GPC5: variants seen among roughly 807,000 people sequenced by gnomAD.
GPC5 encodes glypican 5.
GPC5 carries 47 observed loss-of-function variants against 53.9 expected under a neutral mutation model. The ratio of observed to expected loss-of-function variants is 0.87; its 90% confidence interval spans 0.69 to 1.11. The LOEUF is 1.11. Ranked by LOEUF, GPC5 falls within the 50% of genes most tolerant of loss-of-function variation. The probability of loss-of-function intolerance (pLI) is 0.00; values close to 1 mark genes in which losing one functional copy is unlikely to be tolerated. For synonymous variants in GPC5, 286 were observed against 263.3 expected, an observed-to-expected ratio of 1.09 and a Z score of -0.84; for missense variants, 748 against 713.1, an observed-to-expected ratio of 1.05 and a Z score of -0.56.
At chr13:92,438,161 A>T (rs1048265553) in intron 7 of GPC5, among the ~76,000 whole-genome samples, 3 of 151,924 alleles carry the variant, frequency 2.0e-5, no homozygotes, top group African/African-American at 7.2e-5. Context: ...AATTATGAGC[A>T]AAGTAGACTC....
intron 7 of GPC5, among the ~76,000 whole-genome samples, chr13:92,652,246 C>A (rs1252768954): frequency 1.3e-5 from 2 of 152,142 alleles, no homozygotes; most frequent in African/African-American, 4.8e-5. Flanking sequence ...TGCTACCAAG[C>A]TTTCCTTAAT....
intron 7 of GPC5, among the ~76,000 whole-genome samples, chr13:92,567,553 G>T (rs1882898574): frequency 6.6e-6 from 1 of 152,082 alleles, no homozygotes; most frequent in African/African-American, 2.4e-5. Flanking sequence ...TAATCGAATG[G>T]GCTTAATGTA....
At chr13:92,611,622 C>T (rs1354092319) in intron 7 of GPC5, among the ~76,000 whole-genome samples, 1 of 152,100 alleles carries the variant, frequency 6.6e-6, no homozygotes, top group East Asian at 1.9e-4. Context: ...CTTGCCTTTC[C>T]CTTTGCAAAT....
At chr13:91,967,995 A>G (rs2040196814) in intron 6 of GPC5, among the ~76,000 whole-genome samples, 1 of 152,046 alleles carries the variant, frequency 6.6e-6, no homozygotes, top group African/African-American at 2.4e-5. Flanking sequence ...GTAACTATGT[A>G]TTCTTTGGGA....
At chr13:92,296,649 G>T (rs1462424398) in intron 7 of GPC5, among the ~76,000 whole-genome samples, 1 of 152,160 alleles carries the variant, frequency 6.6e-6, no homozygotes, top group Non-Finnish European at 1.5e-5. Context: ...CCCTCAGCTT[G>T]CAGGGAGGTA....
chr13:92,770,365 T>C (rs1201149462), intron 7 of GPC5, among the ~76,000 whole-genome samples: 1 of 143,262 alleles, frequency 7.0e-6, no homozygotes, highest in Non-Finnish European at 1.5e-5. Context: ...CAGTGAGCCA[T>C]GATGGCACCA....
chr13:92,077,090 C>T (rs1853996), intron 6 of GPC5, among the ~76,000 whole-genome samples: 1 of 151,822 alleles, frequency 6.6e-6, no homozygotes, highest in Non-Finnish European at 1.5e-5. Flanking sequence ...AGCCCCACCC[C>T]CTGCTTTGAA....
At chr13:92,361,659 G>A (rs750654164) in intron 7 of GPC5, among the ~76,000 whole-genome samples, 1 of 151,628 alleles carries the variant, frequency 6.6e-6, no homozygotes, top group Non-Finnish European at 1.5e-5. Flanking sequence ...CTGAGATGCA[G>A]GCAGCTAAAG....
intron 2 of GPC5, among the ~76,000 whole-genome samples, chr13:91,472,954 C>T (rs577155616): frequency 6.6e-6 from 1 of 152,226 alleles, no homozygotes; most frequent in East Asian, 1.9e-4. Flanking sequence ...CACTGCTATA[C>T]ACATACTACT....
chr13:91,535,101 T>C (rs572614053), intron 2 of GPC5, among the ~76,000 whole-genome samples: 1 of 152,330 alleles, frequency 6.6e-6, no homozygotes, highest in African/African-American at 2.4e-5. Flanking sequence ...CTTTTCTCAG[T>C]GTCTGACGTG....
intron 7 of GPC5, among the ~76,000 whole-genome samples, chr13:92,209,677 T>TAA (rs572224973): frequency 4.0e-5 from 6 of 150,124 alleles, no homozygotes; most frequent in African/African-American, 7.3e-5. Flanking sequence ...GCATTAACTG[T>TAA]AAAAAAAAAA....
At chr13:92,560,496 T>C (rs1406772785) in intron 7 of GPC5, among the ~76,000 whole-genome samples, 3 of 152,004 alleles carry the variant, frequency 2.0e-5, no homozygotes, top group South Asian at 2.1e-4. Flanking sequence ...AGGTTTGTGA[T>C]TGGCTGTCAC....
chr13:91,606,556 T>C (rs570083239), intron 2 of GPC5, among the ~76,000 whole-genome samples: 23,500 of 147,994 alleles, frequency 0.16, 3,981 homozygotes, highest in African/African-American at 0.43. Context: ...GTACCTCTGG[T>C]AGAATTCGGC....
chr13:91,764,701 C>G (rs969074082), intron 5 of GPC5, among the ~76,000 whole-genome samples: 5 of 152,258 alleles, frequency 3.3e-5, no homozygotes, highest in Middle Eastern at 3.4e-3. Flanking sequence ...TGTATGTGAA[C>G]CTTTTCAGGT....
intron 3 of GPC5, among the ~76,000 whole-genome samples, chr13:91,713,675 ACT>A (rs1198421776): frequency 6.6e-6 from 1 of 151,858 alleles, no homozygotes; most frequent in Non-Finnish European, 1.5e-5. Flanking sequence ...TGTCACAAAG[ACT>A]CTTTAAAACC....
In GPC5 at chr13:91,907,870, C is replaced by T. The variant is rs2039571274; in HGVS notation, c.1281-67C>T. The T allele has an allele frequency of 2.6e-6, 4 of 1,526,958 alleles. No homozygotes were observed. In the South Asian group the frequency reaches 4.6e-5, roughly 17 times the overall value. 94.6% of individuals were successfully genotyped at this position (1,526,958 alleles called of 1,614,324 possible). On this transcript the variant is annotated intron_variant, in intron 5 of 7. Transcript: ENST00000377067. ...AGGAAATTCCGACCTCAAATATGTT[C>T]AGATAGCTGTGACAGATAATACCCT...
intron 6 of GPC5, among the ~76,000 whole-genome samples, chr13:92,018,452 C>T (rs1330810145): frequency 6.6e-6 from 1 of 151,910 alleles, no homozygotes; most frequent in African/African-American, 2.4e-5. Flanking sequence ...AGGACAGAAA[C>T]AAAACGTAAC....
intron 7 of GPC5, among the ~76,000 whole-genome samples, chr13:92,500,142 C>T (rs1210165269): frequency 1.3e-5 from 2 of 152,142 alleles, no homozygotes; most frequent in African/African-American, 4.8e-5. Flanking sequence ...AGGAGAAGCC[C>T]TGTCATCTAG....
At chr13:91,657,547 C>T (rs899641047) in intron 2 of GPC5, among the ~76,000 whole-genome samples, 2 of 151,838 alleles carry the variant, frequency 1.3e-5, no homozygotes, top group South Asian at 2.1e-4. Context: ...ACACGACAGC[C>T]CTCACAACAA....
Sources: gnomAD v4.1 joint callset for allele counts (sites outside exome capture counted in the v4.1 genomes callset) on GRCh38, gnomAD v4.1.1 for gene constraint, MANE v1.5 for transcripts, NCBI Gene and HGNC (gene_info 2026-07-23, HGNC 2026-07-21) for gene names.